The following LDLRAD4 variants were observed in gnomAD, a reference collection of about 807,000 sequenced individuals.
LDLRAD4 encodes low-density lipoprotein receptor class A domain-containing protein 4.
In LDLRAD4, 5 loss-of-function variants were observed where a neutral mutation model predicts 17.0. The ratio of observed to expected loss-of-function variants is 0.29; its 90% CI spans 0.15 to 0.62. The LOEUF (loss-of-function observed/expected upper bound fraction) is 0.62. LDLRAD4 is among the 20% of genes least tolerant of loss of function. LDLRAD4 has a pLI of 0.84. For missense variants in LDLRAD4, 340 were observed against 424.7 expected (o/e 0.80, Z 1.75); for synonymous variants, 168 against 171.8 (o/e 0.98, Z 0.17).
intron 1 of LDLRAD4, among the ~76,000 whole-genome samples, chr18:13,224,533 T>G (rs759504409): frequency 1.5e-4 from 21 of 142,158 alleles, no homozygotes; most frequent in Non-Finnish European, 2.0e-4. Flanking sequence ...AGGCTGGAGT[T>G]CAGTGGCGCA....
chr18:13,619,520 G>GGGGC (rs2040407974), intron 3 of LDLRAD4, among the ~76,000 whole-genome samples: 4 of 148,250 alleles, frequency 2.7e-5, no homozygotes, highest in African/African-American at 1.0e-4. Context: ...GGGGCCGGGG[G>GGGGC]GGGGCGGGGG....
chr18:13,352,343 T>G (rs1023302586), intron 1 of LDLRAD4, among the ~76,000 whole-genome samples: 1 of 152,156 alleles, frequency 6.6e-6, no homozygotes, highest in African/African-American at 2.4e-5. Flanking sequence ...TTAGTTCAAG[T>G]TTTGGAACAT....
intron 2 of LDLRAD4, among the ~76,000 whole-genome samples, chr18:13,402,385 C>G (rs1047672480): frequency 3.3e-5 from 5 of 152,210 alleles, no homozygotes; most frequent in Non-Finnish European, 7.3e-5. Flanking sequence ...CCCAGTAGCT[C>G]AATCTTGAAT....
intron 2 of LDLRAD4, among the ~76,000 whole-genome samples, chr18:13,394,739 A>G (rs998203134): frequency 6.6e-6 from 1 of 152,214 alleles, no homozygotes; most frequent in Non-Finnish European, 1.5e-5. Flanking sequence ...TTTGAGATGA[A>G]TCCTCTGCCA....
chr18:13,382,211 C>T (rs2085422580), intron 1 of LDLRAD4, among the ~76,000 whole-genome samples: 2 of 152,340 alleles, frequency 1.3e-5, no homozygotes, highest in South Asian at 2.1e-4. Context: ...TTTCACTTCT[C>T]CATTGGATTT....
chr18:13,231,025 A>G (rs2042045064), intron 1 of LDLRAD4, among the ~76,000 whole-genome samples: 2 of 152,194 alleles, frequency 1.3e-5, no homozygotes, highest in South Asian at 4.1e-4. Context: ...GCCCACATGC[A>G]TTTATAAGAA....
rs1202754498 is a variant in LDLRAD4, at chr18:13,398,106, G to A, written c.40+10344G>A. 1.3e-5 allele frequency among the ~76,000 whole-genome samples: 2 copies of A among 152,204 alleles called. No individual in the cohort carries two copies. Among genetic ancestry groups the A allele is most frequent in the Admixed American group, 6.5e-5 (1 of 15,278 alleles). On this transcript the variant is annotated intron_variant, in intron 2 of 5. Transcript: ENST00000359446. This position sits in a 1 kb window ranked among gnomAD's most constrained non-coding sequence, Gnocchi z 4.8. ...CCACCATGTCAGGGTTGAAAGTGGG[G>A]CTGTCTCAGATCCTCCCACTGTGGC...
chr18:13,292,309 C>T (rs1205036672), intron 1 of LDLRAD4, among the ~76,000 whole-genome samples: 5 of 152,198 alleles, frequency 3.3e-5, no homozygotes, highest in South Asian at 2.1e-4. Flanking sequence ...CTGGGCGTGC[C>T]CTGGGCATAT....
chr18:13,566,582 C>T lies in LDLRAD4; in HGVS notation c.182-54535C>T, dbSNP rs111776806. On this transcript the variant is annotated intron_variant, in intron 3 of 5. Transcript: ENST00000359446. Reference sequence around the variant, plus strand: ...TTCACCATGTTGGCCAAGATGGTCTCGATCTCTTGACCTCATGATCCACCC... The same window carrying T: ...TTCACCATGTTGGCCAAGATGGTCTTGATCTCTTGACCTCATGATCCACCC... Among the ~76,000 whole-genome samples, 700 of 152,168 alleles carry T rather than the reference C, an allele frequency of 4.6e-3. 8 individuals are homozygous for T. The highest frequency in any genetic ancestry group is 0.016 in the African/African-American group (671 of 41,514).
At chr18:13,623,048 C>G (rs527561234) in intron 4 of LDLRAD4, among the ~76,000 whole-genome samples, 1 of 152,214 alleles carries the variant, frequency 6.6e-6, no homozygotes, top group African/African-American at 2.4e-5. Flanking sequence ...GACCCAGCCC[C>G]GCTTGCTGTC....
At chr18:13,462,843 C>T (rs1471935221) in intron 3 of LDLRAD4, among the ~76,000 whole-genome samples, 1 of 152,096 alleles carries the variant, frequency 6.6e-6, no homozygotes, top group Non-Finnish European at 1.5e-5. Flanking sequence ...AGAGGTTCAG[C>T]CTTTCCAGTG....
At chr18:13,406,276 G>T (rs1308990392) in intron 2 of LDLRAD4, among the ~76,000 whole-genome samples, 13 of 152,200 alleles carry the variant, frequency 8.5e-5, no homozygotes, top group Non-Finnish European at 1.8e-4. Context: ...GAGAGTCACG[G>T]ATCTCAGTTG....
chr18:13,527,546 C>A (rs1284709425), intron 3 of LDLRAD4, among the ~76,000 whole-genome samples: 1 of 152,218 alleles, frequency 6.6e-6, no homozygotes, highest in African/African-American at 2.4e-5. Context: ...GTGAGCCTCT[C>A]CCCAGCCTGC....
chr18:13,641,385 G>A (rs757007831), intron 4 of LDLRAD4, among the ~76,000 whole-genome samples: 30 of 152,344 alleles, frequency 2.0e-4, no homozygotes, highest in Admixed American at 4.6e-4. Flanking sequence ...AGAGACAAAT[G>A]GATAGAGATA....
intron 1 of LDLRAD4, among the ~76,000 whole-genome samples, chr18:13,282,591 A>G (rs1473774733): frequency 6.6e-6 from 1 of 152,228 alleles, no homozygotes; most frequent in Non-Finnish European, 1.5e-5. Flanking sequence ...ACACTGATGT[A>G]AGAGGTGGCT....
chr18:13,495,222 T>C (rs563440503), intron 3 of LDLRAD4, among the ~76,000 whole-genome samples: 1 of 152,328 alleles, frequency 6.6e-6, no homozygotes, highest in East Asian at 1.9e-4. Flanking sequence ...TCAGGAATCA[T>C]TTTGTCTCAT....
intron 3 of LDLRAD4, among the ~76,000 whole-genome samples, chr18:13,518,334 C>G (rs2093901516): frequency 6.6e-6 from 1 of 152,188 alleles, no homozygotes; most frequent in Admixed American, 6.5e-5. Context: ...CTAGACCCAT[C>G]CAGTAGGTTT....
chr18:13,612,032 G>A (rs1285159140), intron 3 of LDLRAD4: 13 of 985,396 alleles, frequency 1.3e-5, no homozygotes, highest in Non-Finnish European at 1.6e-5. Context: ...CGAGCCTAAC[G>A]TGAGCGTCCC....
At chr18:13,396,575 C>T (rs2086713706) in intron 2 of LDLRAD4, among the ~76,000 whole-genome samples, 1 of 152,210 alleles carries the variant, frequency 6.6e-6, no homozygotes, top group Admixed American at 6.5e-5. Context: ...TCTCAACCTC[C>T]TGGGCTCAAG....
Sources: gnomAD v4.1 joint callset for allele counts (sites outside exome capture counted in the v4.1 genomes callset) on GRCh38, gnomAD v4.1.1 for gene constraint, Gnocchi (gnomAD v3.1) non-coding constraint, MANE v1.5 for transcripts, NCBI Gene and HGNC (gene_info 2026-07-23, HGNC 2026-07-21) for gene names.